Variants in LRFN2 observed in about 807,000 individuals in gnomAD.
LRFN2 encodes leucine rich repeat and fibronectin type III domain containing 2, also known as leucine-rich repeat and fibronectin type-III domain-containing protein 2.
A neutral mutation model predicts 37.3 loss-of-function variants in LRFN2; 18 were observed. The ratio of observed to expected loss-of-function variants is 0.48; its 90% CI spans 0.33 to 0.72. The LOEUF (loss-of-function observed/expected upper bound fraction) is 0.72, where lower values mean the gene tolerates loss of function less well. Ranked by LOEUF, LRFN2 falls within the 30% of genes least tolerant of loss-of-function variation. The probability of loss-of-function intolerance (pLI) is 0.02; values close to 1 mark genes in which losing one functional copy is unlikely to be tolerated. For synonymous variants in LRFN2, 556 were observed against 466.6 expected (o/e 1.19, Z -2.47); for missense variants, 1,006 against 1,060.7 (o/e 0.95, Z 0.72).
intron 1 of LRFN2, among the ~76,000 whole-genome samples, chr6:40,567,200 G>A (rs1767105867): frequency 6.6e-6 from 1 of 152,182 alleles, no homozygotes; most frequent in African/African-American, 2.4e-5. Context: ...TGGAGAAAAG[G>A]GTTGGAACCA....
intron 1 of LRFN2, among the ~76,000 whole-genome samples, chr6:40,564,088 T>C (rs1424048069): frequency 6.6e-6 from 1 of 152,192 alleles, no homozygotes; most frequent in African/African-American, 2.4e-5. Context: ...TCAGGAATGT[T>C]ACCTAATTTT....
At chr6:40,484,187 C>G (rs565712529) in intron 1 of LRFN2, among the ~76,000 whole-genome samples, 7 of 152,286 alleles carry the variant, frequency 4.6e-5, no homozygotes, top group African/African-American at 1.4e-4. Flanking sequence ...TAGTTTCATT[C>G]CAGGAGGAAG....
At chr6:40,460,025 G>A (rs146012625) in intron 1 of LRFN2, among the ~76,000 whole-genome samples, 159 of 152,268 alleles carry the variant, frequency 1.0e-3, no homozygotes, top group African/African-American at 3.6e-3. Context: ...TCTTGACAGG[G>A]ACAAATGGGT....
At chr6:40,442,255 T>A (rs1645037489) in intron 1 of LRFN2, among the ~76,000 whole-genome samples, 1 of 152,194 alleles carries the variant, frequency 6.6e-6, no homozygotes, top group African/African-American at 2.4e-5. Context: ...TAAACTCATT[T>A]CCATTTGGCT....
intron 2 of LRFN2, among the ~76,000 whole-genome samples, chr6:40,399,183 C>T (rs1249470475): frequency 3.3e-5 from 5 of 151,768 alleles, no homozygotes; most frequent in Admixed American, 3.3e-4. Context: ...GGTTCCAGCT[C>T]CTGCTAGACA....
At chr6:40,445,123 G>T (rs1430454586) in intron 1 of LRFN2, among the ~76,000 whole-genome samples, 1 of 152,176 alleles carries the variant, frequency 6.6e-6, no homozygotes, top group African/African-American at 2.4e-5. Context: ...AGAGCTGGAT[G>T]GGACATCTTC....
intron 1 of LRFN2, among the ~76,000 whole-genome samples, chr6:40,450,066 A>G (rs549877435): frequency 9.8e-5 from 15 of 152,350 alleles, no homozygotes; most frequent in African/African-American, 3.4e-4. Context: ...GGAACTAGAA[A>G]AACTTCAGGA....
chr6:40,561,192 T>A (rs1054968336), intron 1 of LRFN2, among the ~76,000 whole-genome samples: 1 of 152,292 alleles, frequency 6.6e-6, no homozygotes, highest in Admixed American at 6.5e-5. Flanking sequence ...AGATTCTCGA[T>A]GTTCTGTGTA....
chr6:40,447,116 C>A (rs1411003794), intron 1 of LRFN2, among the ~76,000 whole-genome samples: 1 of 151,824 alleles, frequency 6.6e-6, no homozygotes, highest in Non-Finnish European at 1.5e-5. Context: ...ACTGGGGTCC[C>A]TGAGTCAGGG....
chr6:40,563,120 G>T (rs1464509226), intron 1 of LRFN2, among the ~76,000 whole-genome samples: 1 of 152,130 alleles, frequency 6.6e-6, no homozygotes, highest in Admixed American at 6.5e-5. Context: ...GCTGACAGGT[G>T]GCTTGAGGGA....
At chr6:40,512,981 TTC>T (rs1028119120) in intron 1 of LRFN2, among the ~76,000 whole-genome samples, 2 of 152,148 alleles carry the variant, frequency 1.3e-5, no homozygotes, top group Non-Finnish European at 2.9e-5. Context: ...GCCATGGCTT[TTC>T]TGTTTATAAA....
intron 1 of LRFN2, among the ~76,000 whole-genome samples, chr6:40,567,344 C>A (rs1767108631): frequency 6.6e-6 from 1 of 152,200 alleles, no homozygotes; most frequent in South Asian, 2.1e-4. Flanking sequence ...GCGGACACAG[C>A]CTGCTTCCAG....
intron 1 of LRFN2, among the ~76,000 whole-genome samples, chr6:40,556,656 AG>A (rs1766890118): frequency 1.8e-5 from 2 of 111,994 alleles, no homozygotes; most frequent in African/African-American, 8.3e-5. Context: ...AATTAGAACC[AG>A]GTCTCTCTCT....
At chr6:40,579,539 C>T (rs76028628) in intron 1 of LRFN2, among the ~76,000 whole-genome samples, 11 of 151,916 alleles carry the variant, frequency 7.2e-5, no homozygotes, top group African/African-American at 9.7e-5. Flanking sequence ...TCATCACCAC[C>T]ATCAGCTTTA....
At chr6:40,407,577 A>T (rs1010944295) in intron 2 of LRFN2, among the ~76,000 whole-genome samples, 7 of 152,236 alleles carry the variant, frequency 4.6e-5, no homozygotes, top group Admixed American at 4.6e-4. Context: ...CTCCTGGAGG[A>T]GCTGAGAAGA....
chr6:40,499,277 T>C (rs1009420197), intron 1 of LRFN2, among the ~76,000 whole-genome samples: 1 of 152,148 alleles, frequency 6.6e-6, no homozygotes, highest in Admixed American at 6.5e-5. Context: ...GATGATGCCG[T>C]TCAAGACATT....
At chr6:40,459,337 A>G (rs932255988) in intron 1 of LRFN2, among the ~76,000 whole-genome samples, 1 of 152,228 alleles carries the variant, frequency 6.6e-6, no homozygotes, top group African/African-American at 2.4e-5. Context: ...AGGAACTTCA[A>G]TTGTGAGGGA....
At chr6:40,514,546 C>T (rs1322980855) in intron 1 of LRFN2, among the ~76,000 whole-genome samples, 1 of 152,058 alleles carries the variant, frequency 6.6e-6, no homozygotes, top group Non-Finnish European at 1.5e-5. Flanking sequence ...AACTCCTGAC[C>T]TCAGGTGATC....
chr6:40,483,284 T>A (rs920486648), intron 1 of LRFN2, among the ~76,000 whole-genome samples: 8 of 152,248 alleles, frequency 5.3e-5, no homozygotes, highest in Non-Finnish European at 1.5e-5. Context: ...CCTTCTACCA[T>A]CTTCTCTCCC....
Sources: allele counts gnomAD v4.1 joint callset (sites outside exome capture counted in the v4.1 genomes callset), GRCh38; gene constraint gnomAD v4.1.1; transcripts MANE v1.5; gene names NCBI Gene and HGNC (gene_info 2026-07-23, HGNC 2026-07-21).